Variants in TRERF1 observed in about 807,000 individuals in gnomAD.
TRERF1 encodes the protein transcriptional-regulating factor 1.
TRERF1 carries 27 observed loss-of-function variants against 122.9 expected under a neutral mutation model. The ratio of observed to expected loss-of-function variants is 0.22; its 90% confidence interval spans 0.16 to 0.30. TRERF1 has a LOEUF of 0.30. TRERF1 is among the 10% of genes least tolerant of loss of function. The probability of loss-of-function intolerance (pLI) is 1.00; values close to 1 mark genes in which losing one functional copy is unlikely to be tolerated. For synonymous variants in TRERF1, 636 were observed against 641.7 expected, an observed-to-expected ratio of 0.99 and a Z score of 0.13; for missense variants, 1,248 against 1,560.3, an observed-to-expected ratio of 0.80 and a Z score of 3.37.
At chr6:42,281,381 A>G (rs374469248) in intron 4 of TRERF1, among the ~76,000 whole-genome samples, 2 of 152,196 alleles carry the variant, frequency 1.3e-5, no homozygotes, top group East Asian at 1.9e-4. Context: ...AAGCTCAGTC[A>G]CCTCAGGTAT....
At chr6:42,316,818 T>C (rs1416980028) in intron 3 of TRERF1, among the ~76,000 whole-genome samples, 2 of 152,122 alleles carry the variant, frequency 1.3e-5, no homozygotes, top group African/African-American at 4.8e-5. Context: ...TAACCAGCCA[T>C]TCCCCTCCAC....
intron 3 of TRERF1, among the ~76,000 whole-genome samples, chr6:42,351,426 C>T (rs956030726): frequency 2.0e-5 from 3 of 152,118 alleles, no homozygotes; most frequent in South Asian, 2.1e-4. Context: ...AATAATATGT[C>T]GGCTTTAAAA....
At chr6:42,342,838 A>C (rs961299991) in intron 3 of TRERF1, among the ~76,000 whole-genome samples, 2 of 152,258 alleles carry the variant, frequency 1.3e-5, no homozygotes, top group Non-Finnish European at 2.9e-5. Flanking sequence ...CAAGTGACGA[A>C]GCACAGTTAT....
intron 2 of TRERF1, among the ~76,000 whole-genome samples, chr6:42,430,198 G>A (rs1463368263): frequency 1.3e-5 from 2 of 151,960 alleles, no homozygotes; most frequent in Non-Finnish European, 2.9e-5. Flanking sequence ...AGAGAGACAG[G>A]TTTCCTTGTC....
chr6:42,428,572 GAC>G (rs1283795573), intron 2 of TRERF1, among the ~76,000 whole-genome samples: 2 of 152,226 alleles, frequency 1.3e-5, no homozygotes, highest in Admixed American at 6.5e-5. Flanking sequence ...ACAGCACACT[GAC>G]AGTCTGTCAA....
intron 3 of TRERF1, among the ~76,000 whole-genome samples, chr6:42,307,590 G>A (rs1165734847): frequency 2.0e-5 from 3 of 152,008 alleles, no homozygotes; most frequent in Non-Finnish European, 4.4e-5. Flanking sequence ...ACACCAGGGG[G>A]TGGGTCATCT....
intron 4 of TRERF1, among the ~76,000 whole-genome samples, chr6:42,288,855 G>C (rs1344586382): frequency 2.6e-5 from 4 of 151,944 alleles, no homozygotes; most frequent in African/African-American, 9.7e-5. Context: ...AACTGGACAG[G>C]GGGCAAGGGC....
chr6:42,431,583 T>C (rs1784513858), intron 2 of TRERF1, among the ~76,000 whole-genome samples: 1 of 152,144 alleles, frequency 6.6e-6, no homozygotes, highest in South Asian at 2.1e-4. Context: ...ATCCTTACGC[T>C]AAGTAGAACT....
Position 42,334,026 on chromosome 6 carries a change from C to CAT in TRERF1, c.-371+28970_-371+28971insAT, listed in dbSNP as rs1491306617. On this transcript the variant is annotated intron_variant, in intron 3 of 17. Transcript: ENST00000372922. Reference sequence around the variant, plus strand: ...ACACACACACACACACACACACACACGTATGTACACATATATGTATATGTA... The same window carrying CAT: ...ACACACACACACACACACACACACACATGTATGTACACATATATGTATATGTA... 1.0e-4 allele frequency among the ~76,000 whole-genome samples: 15 copies of CAT among 143,180 alleles called. No individual in the cohort carries two copies. In the South Asian group the frequency reaches 2.1e-3, roughly 21 times the overall value. The allele number at this position is 143,180 out of a possible 152,430, so 93.9% of individuals were successfully genotyped here.
chr6:42,423,986 GA>G (rs1224947547), intron 2 of TRERF1, among the ~76,000 whole-genome samples: 1 of 152,168 alleles, frequency 6.6e-6, no homozygotes, highest in Admixed American at 6.5e-5. Context: ...ATGCTGTTTG[GA>G]ATATTCAAAG....
chr6:42,394,600 G>A (rs1433536270), intron 2 of TRERF1, among the ~76,000 whole-genome samples: 1 of 152,116 alleles, frequency 6.6e-6, no homozygotes, highest in Non-Finnish European at 1.5e-5. Flanking sequence ...AACCAGAAAT[G>A]GTCTATAGAT....
At chr6:42,438,113 G>A (rs1162343686) in intron 2 of TRERF1, among the ~76,000 whole-genome samples, 1 of 151,396 alleles carries the variant, frequency 6.6e-6, no homozygotes, top group Admixed American at 6.6e-5. Flanking sequence ...GTAGAGATGG[G>A]GTTTCACCAT....
At chr6:42,443,296 T>C (rs188661004) in intron 2 of TRERF1, among the ~76,000 whole-genome samples, 323 of 152,350 alleles carry the variant, frequency 2.1e-3, no homozygotes, top group Middle Eastern at 6.8e-3. Context: ...TAAAGTTTTT[T>C]CATAATAAAG....
intron 2 of TRERF1, among the ~76,000 whole-genome samples, chr6:42,440,119 A>T (rs563619128): frequency 6.6e-6 from 1 of 152,262 alleles, no homozygotes; most frequent in East Asian, 1.9e-4. Context: ...GAGACCCTTG[A>T]CCTTCCTTAG....
chr6:42,448,192 G>GCTTT (rs139205188), intron 2 of TRERF1, among the ~76,000 whole-genome samples: 3,812 of 152,252 alleles, frequency 0.025, 164 homozygotes, highest in African/African-American at 0.088. Flanking sequence ...GCCACACTGG[G>GCTTT]CTTTCTGGTC....
At chr6:42,413,717 C>T (rs939562347) in intron 2 of TRERF1, among the ~76,000 whole-genome samples, 8 of 152,154 alleles carry the variant, frequency 5.3e-5, no homozygotes, top group Non-Finnish European at 1.2e-4. Context: ...CGTGGGCCAC[C>T]GCGGCAGCCC....
intron 2 of TRERF1, among the ~76,000 whole-genome samples, chr6:42,405,183 A>G (rs999290906): frequency 1.3e-5 from 2 of 152,204 alleles, no homozygotes; most frequent in South Asian, 2.1e-4. Flanking sequence ...AAGTCTTACA[A>G]TTGGGAAGGG....
intron 2 of TRERF1, among the ~76,000 whole-genome samples, chr6:42,408,710 A>G (rs984041741): frequency 6.6e-6 from 1 of 151,986 alleles, no homozygotes; most frequent in African/African-American, 2.4e-5. Context: ...TTTTTATCTT[A>G]TAGATTTTAT....
At chr6:42,314,449 T>C (rs540645843) in intron 3 of TRERF1, among the ~76,000 whole-genome samples, 1 of 152,282 alleles carries the variant, frequency 6.6e-6, no homozygotes, top group Admixed American at 6.5e-5. Flanking sequence ...CCTTGCAAAA[T>C]TAAGCTCATG....
Sources: allele counts gnomAD v4.1 joint callset (sites outside exome capture counted in the v4.1 genomes callset), GRCh38; gene constraint gnomAD v4.1.1; transcripts MANE v1.5; gene names NCBI Gene and HGNC (gene_info 2026-07-23, HGNC 2026-07-21).